DZIP1: variants seen among roughly 807,000 people sequenced by gnomAD.
The protein encoded by DZIP1 is DAZ interacting zinc finger protein 1.
A neutral mutation model predicts 107.6 loss-of-function variants in DZIP1; 97 were observed. That is an observed-to-expected ratio of 0.90 (90% confidence interval 0.77 to 1.07). The LOEUF is 1.07. Ranked by LOEUF, DZIP1 falls within the 50% of genes least tolerant of loss-of-function variation. DZIP1 has a pLI of 0.00. For synonymous variants in DZIP1, 390 were observed against 386.4 expected, an observed-to-expected ratio of 1.01 and a Z score of -0.11; for missense variants, 1,035 against 1,063.6, an observed-to-expected ratio of 0.97 and a Z score of 0.37.
At chr13:95,627,716 AC>A (rs1327297332) in intron 7 of DZIP1, among the ~76,000 whole-genome samples, 1 of 152,246 alleles carries the variant, frequency 6.6e-6, no homozygotes, top group Non-Finnish European at 1.5e-5. Flanking sequence ...ACTGTGGAAG[AC>A]AGTTTGGTGG....
Position 95,643,496 on chromosome 13 carries a change from G to T in DZIP1, c.-428+105C>A, listed in dbSNP as rs139571095. The T allele has an allele frequency of 9.0e-4, 138 of 152,644 alleles. 1 individual carries two copies. Among genetic ancestry groups the T allele is most frequent in the African/African-American group, 3.2e-3 (134 of 41,534 alleles). The allele number at this position is 152,644 out of a possible 1,614,324, so 9.5% of individuals were successfully genotyped here. ...ATAAAAAGTGCTAAAGACATAAATA[G>T]TTTCAAAGTTTGATTCTGTCACTTA... On this transcript the variant is annotated intron_variant, in intron 2 of 22. Coordinates refer to ENST00000376829, the MANE Select transcript of DZIP1 (RefSeq NM_198968.4).
intron 9 of DZIP1, among the ~76,000 whole-genome samples, chr13:95,620,458 CA>C (rs1220981889): frequency 1.3e-5 from 2 of 152,118 alleles, no homozygotes; most frequent in Non-Finnish European, 2.9e-5. Context: ...TATACACAGT[CA>C]AAAATGCTTA....
chr13:95,635,956 G>A (rs1472286631), intron 5 of DZIP1, among the ~76,000 whole-genome samples: 1 of 151,330 alleles, frequency 6.6e-6, no homozygotes, highest in Non-Finnish European at 1.5e-5. Flanking sequence ...GAGGGAAAGA[G>A]GGAAGGAAAG....
chr13:95,590,639 A>G lies in DZIP1; in HGVS notation c.1681-198T>C, dbSNP rs559205312. ...TCAGTTGGGCACATAAGGCATGCAT[A>G]TGTTTATGACTGGCTGACCGACGAG... On this transcript the variant is annotated intron_variant, in intron 16 of 22. Transcript: ENST00000376829. Among the ~76,000 whole-genome samples, 13 of 152,360 alleles carry G rather than the reference A, an allele frequency of 8.5e-5. No individual in the cohort carries two copies. The South Asian group carries it at 2.7e-3, about 32-fold the overall frequency.
At chr13:95,638,078 G>A (rs990468434) in intron 5 of DZIP1, among the ~76,000 whole-genome samples, 10 of 142,522 alleles carry the variant, frequency 7.0e-5, no homozygotes, top group Admixed American at 1.5e-4. Context: ...GCTAACCTGA[G>A]TTCAATCTTT....
rs1393035232 is a variant in DZIP1, at chr13:95,587,630, C to T, written c.2127G>A (p.Lys709=). 6 of 1,614,158 alleles carry T rather than the reference C, an allele frequency of 3.7e-6. No homozygotes were observed. In the South Asian group the frequency reaches 5.5e-5, roughly 15 times the overall value. The change falls in exon 20 of 23, where the codon AAG becomes AAA. Residue 709 remains lysine, a synonymous_variant. Transcript: ENST00000376829. ...TCACTGTGTTCTTCCCGAAGCTGCC[C>T]TTGTTTTGTGGTGGCGGCACAGGAA... ...GPLPVPPPQN[K]GSFGKNTVKS... is the part of the protein sequence containing the mutation.
In DZIP1 at chr13:95,606,032, T is replaced by G. The variant is rs1310537676; in HGVS notation, c.1448A>C (p.Glu483Ala). 6.2e-7 allele frequency: 1 copy of G among 1,614,042 alleles called. No homozygotes were observed. Among genetic ancestry groups the G allele is most frequent in the Admixed American group, 1.7e-5 (1 of 60,024 alleles). ...PMNAPALHTL[E>A]TKSSLPMVHE... ...CACCATTGGCAGACTTGATTTAGTT[T>G]CCAAAGTGTGCAGGGCTGGGGCATT... The change falls in exon 14 of 23, where the codon GAA becomes GCA. Residue 483 changes from glutamate to alanine, a missense_variant. Coordinates refer to ENST00000376829, the MANE Select transcript of DZIP1 (RefSeq NM_198968.4).
chr13:95,604,734 C>G (rs551401736), intron 14 of DZIP1, among the ~76,000 whole-genome samples: 6 of 151,870 alleles, frequency 4.0e-5, no homozygotes, highest in Non-Finnish European at 5.9e-5. Context: ...CTAACAATAA[C>G]AAAGTGGAGG....
chr13:95,587,397 A>G, intron 20 of DZIP1, 142 bp downstream of exon 20: 2 of 1,118,382 alleles, frequency 1.8e-6, no homozygotes, highest in Non-Finnish European at 2.5e-6. Context: ...AACCCTGCCC[A>G]TTTTCCGTGG....
chr13:95,601,677 G>A (rs1020048717), intron 14 of DZIP1, among the ~76,000 whole-genome samples: 2 of 152,180 alleles, frequency 1.3e-5, no homozygotes, highest in African/African-American at 4.8e-5. Flanking sequence ...CTTAGGGGTG[G>A]GCTGTGAATC....
chr13:95,643,052 T>G lies in DZIP1; in HGVS notation c.-222A>C, dbSNP rs1878717242. ...GGGCCATGGTATTTACCTTACAAAC[T>G]TGGGTCGGGGCTGCATTCTGGGCTT... On this transcript the variant is annotated 5_prime_UTR_variant, in exon 3 of 23. Coordinates refer to ENST00000376829, the MANE Select transcript of DZIP1 (RefSeq NM_198968.4). The G allele has an allele frequency of 6.6e-6, 1 of 152,196 alleles. No individual in the cohort carries two copies. Among genetic ancestry groups the G allele is most frequent in the South Asian group, 2.1e-4 (1 of 4,830 alleles). The allele number at this position is 152,196 out of a possible 1,614,324, so 9.4% of individuals were successfully genotyped here.
chr13:95,586,047 G>T lies in DZIP1; in HGVS notation c.2308C>A (p.Pro770Thr). The change falls in exon 21 of 23, where the codon CCT becomes ACT. Residue 770 changes from proline (P) to threonine (T), a missense_variant. By Grantham distance (38) the Pro-to-Thr change is conservative. Transcript: ENST00000376829. ...TCTTCTTTTTTGATAAACATCTCAG[G>T]GACATTAGTTCCACCGACTGGTTTG... ...VNKPVGGTNV[P>T]EMFIKKEELQ... 6.2e-7 allele frequency: 1 copy of T among 1,607,942 alleles called. No homozygotes were observed. Among genetic ancestry groups the T allele is most frequent in the Non-Finnish European group, 8.5e-7 (1 of 1,178,016 alleles).
At chr13:95,629,495 A>T (rs1876942653) in intron 7 of DZIP1, among the ~76,000 whole-genome samples, 1 of 152,196 alleles carries the variant, frequency 6.6e-6, no homozygotes, top group African/African-American at 2.4e-5. Context: ...ATGGAGGAAG[A>T]GGGTCAGGAG....
rs1045802627 is a variant in DZIP1 at position 95,578,907 on chromosome 13, C to T, written c.*3327G>A. On this transcript the variant is annotated 3_prime_UTR_variant, in exon 23 of 23. Transcript: ENST00000376829. ...TATTATTGCCTGTCATGTGGCACATCCATGTTAAGGGGCTGAGGCGTCCCT... is the reference window on the plus strand; with the variant it reads ...TATTATTGCCTGTCATGTGGCACATTCATGTTAAGGGGCTGAGGCGTCCCT... 4 of 152,306 alleles carry T rather than the reference C, an allele frequency of 2.6e-5. No individual in the cohort carries two copies. The East Asian group carries it at 7.7e-4, about 29-fold the overall frequency. 9.4% of individuals were successfully genotyped at this position (152,306 alleles called of 1,614,324 possible).
At position 95,582,316 on chromosome 13, in the gene DZIP1, G is replaced by GT. The variant is rs2044029325; in HGVS notation, c.2525-4dup. The stretch of plus-strand genomic sequence containing the variant: ...GCTTGATTCATTTTCTTGAAGTCCT[G>GT]TAAGTGGTGGGTAGAGGCAGAAGAG... On this transcript the variant is annotated splice_polypyrimidine_tract_variant and splice_region_variant and intron_variant, in intron 22 of 22. Transcript: ENST00000376829. 6.2e-7 allele frequency: 1 copy of GT among 1,613,978 alleles called. No homozygotes were observed. The highest frequency in any genetic ancestry group is 8.5e-7 in the Non-Finnish European group (1 of 1,179,890).
At chr13:95,632,504 G>A (rs763693316) in intron 6 of DZIP1, among the ~76,000 whole-genome samples, 15 of 151,780 alleles carry the variant, frequency 9.9e-5, no homozygotes, top group Admixed American at 5.9e-4. Context: ...CTCTCACCTC[G>A]GCTGCGATTG....
intron 16 of DZIP1, among the ~76,000 whole-genome samples, chr13:95,592,064 T>C (rs1022774463): frequency 6.6e-6 from 1 of 152,224 alleles, no homozygotes; most frequent in Non-Finnish European, 1.5e-5. Flanking sequence ...GGATTTCTTA[T>C]ATGACAAAAA....
Position 95,580,061 on chromosome 13 carries a change from C to A in DZIP1, c.*2173G>T, listed in dbSNP as rs1233822339. 1 of 152,126 alleles carries A rather than the reference C, an allele frequency of 6.6e-6. No individual in the cohort carries two copies. The highest frequency in any genetic ancestry group is 1.5e-5 in the Non-Finnish European group (1 of 68,040). 9.4% of individuals were successfully genotyped at this position (152,126 alleles called of 1,614,324 possible). Reference sequence around the variant, plus strand: ...TACAAAAAAATGAAATGCAGCAGGGCGCGATGGCTCACGCCTATAATCCCA... The same window carrying A: ...TACAAAAAAATGAAATGCAGCAGGGAGCGATGGCTCACGCCTATAATCCCA... On this transcript the variant is annotated 3_prime_UTR_variant, in exon 23 of 23. Transcript: ENST00000376829.
intron 13 of DZIP1, among the ~76,000 whole-genome samples, chr13:95,608,455 T>G (rs1464164070): frequency 6.6e-6 from 1 of 151,326 alleles, no homozygotes; most frequent in East Asian, 1.9e-4. Flanking sequence ...GGGTTTTTTT[T>G]TTTTTTGGTT....
Sources: allele counts gnomAD v4.1 joint callset (sites outside exome capture counted in the v4.1 genomes callset), GRCh38; gene constraint gnomAD v4.1.1; transcripts MANE v1.5; gene names NCBI Gene and HGNC (gene_info 2026-07-23, HGNC 2026-07-21).